FBXL17: variants seen among roughly 807,000 people sequenced by gnomAD.
FBXL17 encodes F-box and leucine rich repeat protein 17, also known as F-box/LRR-repeat protein 17.
Under a neutral mutation model 66.2 loss-of-function variants are expected in FBXL17, and 22 were observed. The ratio of observed to expected loss-of-function variants is 0.33; its 90% CI spans 0.24 to 0.47. The LOEUF (loss-of-function observed/expected upper bound fraction) is 0.47. Among genes scored for constraint, FBXL17 ranks in the 20% least tolerant of loss-of-function variants. The pLI, the probability that FBXL17 is intolerant of heterozygous loss-of-function variation, is 1.00. For missense variants in FBXL17, 878 were observed against 948.2 expected, an observed-to-expected ratio of 0.93 and a Z score of 0.97; for synonymous variants, 474 against 400.5, an observed-to-expected ratio of 1.18 and a Z score of -2.19.
intron 4 of FBXL17, among the ~76,000 whole-genome samples, chr5:108,330,198 G>A (rs948957287): frequency 3.9e-4 from 59 of 151,940 alleles, no homozygotes; most frequent in Admixed American, 1.9e-3. Flanking sequence ...AGTTTTCTAG[G>A]GTATAAAATA....
chr5:108,371,834 T>A (rs1202763279), intron 1 of FBXL17, among the ~76,000 whole-genome samples: 1 of 152,248 alleles, frequency 6.6e-6, no homozygotes, highest in Non-Finnish European at 1.5e-5. Flanking sequence ...AAGTGTTATA[T>A]AAATAAGCCA....
intron 4 of FBXL17, among the ~76,000 whole-genome samples, chr5:108,244,579 T>C (rs1408685662): frequency 6.6e-6 from 1 of 152,214 alleles, no homozygotes; most frequent in Non-Finnish European, 1.5e-5. Flanking sequence ...TCTATCTACA[T>C]GGAGCTGACA....
At chr5:108,068,924 T>C (rs1244775455) in intron 6 of FBXL17, among the ~76,000 whole-genome samples, 6 of 152,216 alleles carry the variant, frequency 3.9e-5, no homozygotes, top group Non-Finnish European at 2.9e-5. Context: ...ACAGCAGTGC[T>C]AGCTAATGGG....
chr5:108,027,616 A>G (rs555688061), intron 6 of FBXL17, among the ~76,000 whole-genome samples: 18 of 152,264 alleles, frequency 1.2e-4, no homozygotes, highest in African/African-American at 3.8e-4. Flanking sequence ...TGAACATAAT[A>G]CTTATAACCT....
intron 6 of FBXL17, among the ~76,000 whole-genome samples, chr5:108,085,579 G>C (rs562037044): frequency 5.9e-5 from 9 of 152,184 alleles, no homozygotes. Flanking sequence ...ACTGTGTGCC[G>C]TTGGGGCTCA....
At chr5:107,950,035 T>C (rs115846400) in intron 7 of FBXL17, among the ~76,000 whole-genome samples, 1,996 of 152,288 alleles carry the variant, frequency 0.013, 49 homozygotes, top group African/African-American at 0.044. Flanking sequence ...TTTAATTTCC[T>C]GTTACTAAGA....
chr5:108,152,639 G>C lies in FBXL17; in HGVS notation c.1745+33478C>G, dbSNP rs529706246. ...TCAGTCTCATAAAAATGAAGAGTCA[G>C]TTTTACAAAAAGTAAAGTGAAATAC... On this transcript the variant is annotated intron_variant, in intron 6 of 8. Transcript: ENST00000542267. 7.9e-5 allele frequency among the ~76,000 whole-genome samples: 12 copies of C among 152,094 alleles called. No homozygotes were observed. In the East Asian group the frequency reaches 2.3e-3, roughly 29 times the overall value.
At chr5:108,191,426 TACC>T (rs1420911931) in intron 5 of FBXL17, among the ~76,000 whole-genome samples, 1 of 152,230 alleles carries the variant, frequency 6.6e-6, no homozygotes, top group Non-Finnish European at 1.5e-5. Flanking sequence ...ATGTACATTT[TACC>T]ACAATAAAAA....
intron 4 of FBXL17, among the ~76,000 whole-genome samples, chr5:108,248,462 T>C (rs183309178): frequency 6.6e-6 from 1 of 152,254 alleles, no homozygotes; most frequent in Admixed American, 6.5e-5. Context: ...CCTACGTGAC[T>C]ATGACAGAAA....
intron 6 of FBXL17, among the ~76,000 whole-genome samples, chr5:108,138,559 C>T (rs923846859): frequency 6.6e-6 from 1 of 152,200 alleles, no homozygotes; most frequent in African/African-American, 2.4e-5. Context: ...GAAGATATTG[C>T]CGGTGGGAAG....
chr5:108,044,731 T>C (rs926953378), intron 6 of FBXL17, among the ~76,000 whole-genome samples: 1 of 152,196 alleles, frequency 6.6e-6, no homozygotes, highest in Non-Finnish European at 1.5e-5. Flanking sequence ...CTTAAAATGT[T>C]TGGTAGAATA....
chr5:108,253,256 A>T (rs4431328), intron 4 of FBXL17, among the ~76,000 whole-genome samples: 151,153 of 151,874 alleles, frequency 1, 75,219 homozygotes, highest in Middle Eastern at 1. Context: ...TGATTTTTTT[A>T]AAAATTTTTA....
intron 6 of FBXL17, among the ~76,000 whole-genome samples, chr5:108,116,786 A>C (rs1750276099): frequency 6.6e-6 from 1 of 152,146 alleles, no homozygotes; most frequent in South Asian, 2.1e-4. Flanking sequence ...GCTCAGATAG[A>C]TCCATCCTGG....
At chr5:108,079,156 CTT>C (rs200371861) in intron 6 of FBXL17, among the ~76,000 whole-genome samples, 6 of 139,736 alleles carry the variant, frequency 4.3e-5, no homozygotes, top group Admixed American at 7.2e-5. Context: ...ACCTCTCTTT[CTT>C]TTTTTTTTTT....
intron 7 of FBXL17, among the ~76,000 whole-genome samples, chr5:107,987,317 T>C (rs187400428): frequency 3.6e-4 from 55 of 151,392 alleles, no homozygotes; most frequent in African/African-American, 1.1e-3. Context: ...TAACCAACAA[T>C]CACCTTTTTG....
rs752302033 is a variant in FBXL17 at position 107,859,249 on chromosome 5, A to G, written c.*2471T>C. ...AAAGCCCTGCATTAAACGTGTTCAC[A>G]TGTATTTATGACATTCTAAGCAAAA... is the stretch of plus-strand genomic sequence containing the variant. On this transcript the variant is annotated 3_prime_UTR_variant, in exon 9 of 9. Transcript: ENST00000542267. 2.0e-5 allele frequency: 3 copies of G among 152,126 alleles called. No individual in the cohort carries two copies. The highest frequency in any genetic ancestry group is 3.9e-4 in the East Asian group (2 of 5,194). The allele number at this position is 152,126 out of a possible 1,614,324, so 9.4% of individuals were successfully genotyped here. A position where few individuals can be genotyped will look rare whatever the true frequency, so the allele number is the denominator to read the frequency against.
intron 4 of FBXL17, among the ~76,000 whole-genome samples, chr5:108,319,539 A>G (rs1218201434): frequency 6.6e-6 from 1 of 151,828 alleles, no homozygotes; most frequent in Non-Finnish European, 1.5e-5. Context: ...ATATTTTCCT[A>G]TCAGTTAAAA....
intron 7 of FBXL17, among the ~76,000 whole-genome samples, chr5:107,932,543 T>A (rs1402351983): frequency 2.0e-5 from 3 of 152,188 alleles, no homozygotes; most frequent in African/African-American, 7.2e-5. Context: ...CTGAACTTTC[T>A]AGCCCAAACA....
At chr5:108,145,678 A>C (rs993602446) in intron 6 of FBXL17, among the ~76,000 whole-genome samples, 2 of 152,164 alleles carry the variant, frequency 1.3e-5, no homozygotes, top group African/African-American at 4.8e-5. Context: ...GAATTATTCT[A>C]AACAACAGTG....
Sources: gnomAD v4.1 joint callset for allele counts (sites outside exome capture counted in the v4.1 genomes callset) on GRCh38, gnomAD v4.1.1 for gene constraint, MANE v1.5 for transcripts, NCBI Gene and HGNC (gene_info 2026-07-23, HGNC 2026-07-21) for gene names.